The following NSD1 variants were observed in gnomAD, a reference collection of about 807,000 sequenced individuals.
The protein encoded by NSD1 is histone-lysine N-methyltransferase, H3 lysine-36 specific.
NSD1 carries 26 observed loss-of-function variants against 242.7 expected under a neutral mutation model. The observed-to-expected ratio is 0.11, with a 90% CI of 0.08 to 0.15. NSD1 has a LOEUF of 0.15. Among genes scored for constraint, NSD1 ranks in the 10% least tolerant of loss-of-function variants. The probability of loss-of-function intolerance (pLI) is 1.00; values close to 1 mark genes in which losing one functional copy is unlikely to be tolerated. For missense variants in NSD1, 2,495 were observed against 3,272.8 expected, an observed-to-expected ratio of 0.76 and a Z score of 5.80; for synonymous variants, 1,106 against 1,178.1, an observed-to-expected ratio of 0.94 and a Z score of 1.25.
rs1760805846 is a variant in NSD1, at chr5:177,182,839, CG to C, written c.928-9044del. ...TTTTAGTAGAGACAGGGTTTCACCA[CG>C]TTAGTCAGGCTGGTCTCGAACTCCT... On this transcript the variant is annotated intron_variant, in intron 2 of 22. Transcript: ENST00000439151. 2.6e-5 allele frequency among the ~76,000 whole-genome samples: 4 copies of C among 152,156 alleles called. No homozygotes were observed. The South Asian group carries it at 8.3e-4, about 32-fold the overall frequency.
At chr5:177,250,750 C>G (rs1465637093) in intron 11 of NSD1, among the ~76,000 whole-genome samples, 2 of 152,212 alleles carry the variant, frequency 1.3e-5, no homozygotes, top group African/African-American at 2.4e-5. Context: ...GGCTACCTCT[C>G]TAACCTTTCT....
At chr5:177,151,382 TTTTTTA>T (rs1358648219) in intron 2 of NSD1, among the ~76,000 whole-genome samples, 3 of 152,010 alleles carry the variant, frequency 2.0e-5, no homozygotes, top group African/African-American at 4.8e-5. Flanking sequence ...AGACTCAGTC[TTTTTTA>T]TTTTTATTTT....
intron 3 of NSD1, among the ~76,000 whole-genome samples, chr5:177,200,775 C>T (rs186510940): frequency 3.3e-5 from 5 of 152,224 alleles, no homozygotes; most frequent in Admixed American, 3.3e-4. Flanking sequence ...CATAATACGT[C>T]ATTGTATTGT....
chr5:177,250,656 AAT>A (rs1371510392), intron 11 of NSD1, among the ~76,000 whole-genome samples: 1 of 151,896 alleles, frequency 6.6e-6, no homozygotes, highest in African/African-American at 2.4e-5. Context: ...TTTATATGTG[AAT>A]AGTAGATAAT....
chr5:177,237,266 T>TC (rs1400281679), intron 6 of NSD1, among the ~76,000 whole-genome samples: 1 of 152,162 alleles, frequency 6.6e-6, no homozygotes, highest in East Asian at 1.9e-4. Flanking sequence ...ACTGATAGTC[T>TC]CTTTCATTAA....
intron 2 of NSD1, among the ~76,000 whole-genome samples, chr5:177,163,031 T>C (rs1314521500): frequency 6.6e-6 from 1 of 152,022 alleles, no homozygotes; most frequent in Non-Finnish European, 1.5e-5. Context: ...CAGGTTGGTC[T>C]CAAGTTCCTG....
At chr5:177,239,578 T>C (rs971077705) in intron 7 of NSD1, among the ~76,000 whole-genome samples, 178 bp from the exon 8 acceptor site, 1 of 152,232 alleles carries the variant, frequency 6.6e-6, no homozygotes, top group Non-Finnish European at 1.5e-5. Flanking sequence ...GAAAACTGTT[T>C]ACTTGTTTTG....
intron 5 of NSD1, among the ~76,000 whole-genome samples, chr5:177,222,518 G>A (rs1764317440): frequency 2.0e-5 from 3 of 152,066 alleles, no homozygotes; most frequent in Admixed American, 2.0e-4. Flanking sequence ...ACTTTATTTG[G>A]TTATAGCCGT....
intron 2 of NSD1, among the ~76,000 whole-genome samples, chr5:177,187,463 C>T (rs920750344): frequency 1.1e-4 from 17 of 152,036 alleles, no homozygotes; most frequent in African/African-American, 3.6e-4. Context: ...ATAATGCTGT[C>T]TTGTAAGGTT....
At chr5:177,237,804 A>G (rs1489361901) in intron 6 of NSD1, among the ~76,000 whole-genome samples, 2 of 152,152 alleles carry the variant, frequency 1.3e-5, no homozygotes, top group East Asian at 3.8e-4. Flanking sequence ...AAGTTCTGGA[A>G]TTACAGGCGT....
chr5:177,212,101 A>T lies in NSD1; in HGVS notation c.3702A>T (p.Leu1234Phe). 6.2e-7 allele frequency: 1 copy of T among 1,614,132 alleles called. No individual in the cohort carries two copies. The highest frequency in any genetic ancestry group is 1.1e-5 in the South Asian group (1 of 91,074). Residue 1234 changes from leucine to phenylalanine, a missense_variant, in exon 5 of 23, where the codon TTA becomes TTT. Leu to Phe is a conservative substitution (Grantham distance 22). This residue lies in a region of NSD1 where 426 missense variants were observed against 411.4 expected (regional missense o/e 1.04). Transcript: ENST00000439151. ...GCTTAGATTCAGCTGGGCCACGGTT[A>T]AATGTTTGTGATAAATCCAGTGCCA... ...ADCLDSAGPR[L>F]NVCDKSSASI...
chr5:177,146,630 G>A (rs1051054338), intron 2 of NSD1, among the ~76,000 whole-genome samples: 1 of 152,116 alleles, frequency 6.6e-6, no homozygotes, highest in Non-Finnish European at 1.5e-5. Flanking sequence ...CAGTTTTACT[G>A]GTAGTCTTTC....
At chr5:177,267,464 G>T in intron 14 of NSD1, 98 bp from the exon 15 acceptor site, 1 of 1,006,336 alleles carries the variant, frequency 9.9e-7, no homozygotes, top group Non-Finnish European at 1.5e-6. Context: ...ATATCTTTTA[G>T]TGAAGAGAAA....
chr5:177,223,928 A>G (rs547724465), intron 5 of NSD1, among the ~76,000 whole-genome samples: 2 of 152,314 alleles, frequency 1.3e-5, no homozygotes, highest in East Asian at 1.9e-4. Flanking sequence ...GGAGGTTACA[A>G]TGAGCTGAGA....
At chr5:177,237,065 A>G (rs1393517589) in intron 6 of NSD1, among the ~76,000 whole-genome samples, 2 of 152,044 alleles carry the variant, frequency 1.3e-5, no homozygotes, top group African/African-American at 2.4e-5. Flanking sequence ...CTGGTCTCGA[A>G]TTCCTGGGCT....
At chr5:177,146,440 G>A (rs1462399462) in intron 2 of NSD1, among the ~76,000 whole-genome samples, 1 of 151,776 alleles carries the variant, frequency 6.6e-6, no homozygotes, top group Non-Finnish European at 1.5e-5. Flanking sequence ...TCCCGACCTT[G>A]TGATCCGCCC....
intron 5 of NSD1, among the ~76,000 whole-genome samples, chr5:177,223,704 A>G (rs985745410): frequency 8.5e-5 from 13 of 152,078 alleles, no homozygotes; most frequent in Admixed American, 2.6e-4. Context: ...TGTGCTCTCA[A>G]TGAGGTGGTG....
intron 5 of NSD1, among the ~76,000 whole-genome samples, chr5:177,224,381 T>C (rs1273566785): frequency 6.6e-6 from 1 of 152,154 alleles, no homozygotes; most frequent in Non-Finnish European, 1.5e-5. Context: ...ATTCTGCACT[T>C]AAAAAAATTT....
Position 177,221,120 on chromosome 5 carries a change from A to T in NSD1, c.3796+8925A>T, listed in dbSNP as rs1276550135. ...ACTCCTAGCCTGAAATGATCCACCC[A>T]CTTTGGCCTCCCACAGTGCAGGGAT... On this transcript the variant is annotated intron_variant, in intron 5 of 22. Transcript: ENST00000439151. The T allele has an allele frequency of 1.9e-5, 8 of 431,712 alleles. 1 individual carries two copies. Among genetic ancestry groups the T allele is most frequent in the South Asian group, 1.3e-4 (8 of 59,818 alleles). The allele number at this position is 431,712 out of a possible 1,614,324, so 26.7% of individuals were successfully genotyped here.
Sources: gnomAD v4.1 joint callset for allele counts (sites outside exome capture counted in the v4.1 genomes callset) on GRCh38, gnomAD v4.1.1 for gene constraint, gnomAD v4.1.1 regional missense constraint, MANE v1.5 for transcripts, NCBI Gene and HGNC (gene_info 2026-07-23, HGNC 2026-07-21) for gene names.